Variants in GRIA3 observed in about 807,000 individuals in gnomAD.
The protein encoded by GRIA3 is glutamate ionotropic receptor AMPA type subunit 3.
A neutral mutation model predicts 63.0 loss-of-function variants in GRIA3; 3 were observed. The observed-to-expected ratio is 0.05, with a 90% CI of 0.02 to 0.12. The LOEUF is 0.12. GRIA3 is among the 10% of genes least tolerant of loss of function. GRIA3 has a pLI of 1.00. For missense variants in GRIA3, 347 were observed against 700.9 expected, an observed-to-expected ratio of 0.50 and a Z score of 5.70; for synonymous variants, 274 against 257.9, an observed-to-expected ratio of 1.06 and a Z score of -0.60.
intron 4 of GRIA3, among the ~76,000 whole-genome samples, chrX:123,337,320 AAAG>A (rs2044980642): frequency 8.9e-6 from 1 of 112,089 alleles, no homozygotes; most frequent in Admixed American, 9.4e-5. Context: ...ATTGTTCATA[AAAG>A]AAGAATAGTA....
intron 2 of GRIA3, among the ~76,000 whole-genome samples, chrX:123,193,258 C>G (rs1422827054): frequency 9.1e-6 from 1 of 110,175 alleles, no homozygotes; most frequent in African/African-American, 3.3e-5. Flanking sequence ...CCGGGTGACA[C>G]TGTCTTGGCT....
At chrX:123,430,220 A>T (rs1370182282) in intron 12 of GRIA3, among the ~76,000 whole-genome samples, 1 of 112,202 alleles carries the variant, frequency 8.9e-6, no homozygotes, top group Admixed American at 9.5e-5. Context: ...CTAGCCAATG[A>T]GTAATTCATA....
intron 2 of GRIA3, chrX:123,202,845 A>G: frequency 3.0e-6 from 3 of 1,014,229 alleles, no homozygotes; most frequent in South Asian, 2.2e-5. Flanking sequence ...TTGTTCACCA[A>G]TTCCTGTTAT....
intron 4 of GRIA3, among the ~76,000 whole-genome samples, chrX:123,347,582 C>T (rs1420459560): frequency 9.0e-6 from 1 of 111,525 alleles, no homozygotes; most frequent in Non-Finnish European, 1.9e-5. Flanking sequence ...GGAGAACATC[C>T]CACCCTCTAC....
At chrX:123,254,837 G>A (rs2044410411) in intron 3 of GRIA3, among the ~76,000 whole-genome samples, 1 of 111,773 alleles carries the variant, frequency 8.9e-6, no homozygotes, top group Non-Finnish European at 1.9e-5. Context: ...CTTGGACTTG[G>A]CCTCCTCACC....
At chrX:123,306,279 G>A (rs1246262763) in intron 3 of GRIA3, among the ~76,000 whole-genome samples, 1 of 111,743 alleles carries the variant, frequency 8.9e-6, no homozygotes, top group East Asian at 2.8e-4. Context: ...AAGTTGACCA[G>A]ATATTACACG....
At chrX:123,271,942 G>C (rs1225555006) in intron 3 of GRIA3, among the ~76,000 whole-genome samples, 1 of 111,550 alleles carries the variant, frequency 9.0e-6, no homozygotes, top group Non-Finnish European at 1.9e-5. Context: ...AGATGCTTTA[G>C]GGAAAAAGGG....
At chrX:123,327,770 A>G (rs985757509) in intron 4 of GRIA3, among the ~76,000 whole-genome samples, 5 of 110,200 alleles carry the variant, frequency 4.5e-5, no homozygotes, top group Non-Finnish European at 9.5e-5. Flanking sequence ...GCCTGGTTAA[A>G]TCAAGTTTCT....
In GRIA3 at chrX:123,450,194, T is replaced by A. The variant is rs1018962989; in HGVS notation, c.2077-14671T>A. ...TGACCAAGTCAAACAGAAGGCATGATCTCTAATGGTAGCATTTAGGGCCTG... is the reference window on the plus strand; with the variant it reads ...TGACCAAGTCAAACAGAAGGCATGAACTCTAATGGTAGCATTTAGGGCCTG... On this transcript the variant is annotated intron_variant, in intron 12 of 15. Transcript: ENST00000620443. 4.5e-5 allele frequency among the ~76,000 whole-genome samples: 5 copies of A among 112,293 alleles called. No homozygotes were observed. In the East Asian group the frequency reaches 1.4e-3, roughly 31 times the overall value.
At chrX:123,216,921 GGTCTA>G (rs1325148538) in intron 2 of GRIA3, among the ~76,000 whole-genome samples, 2 of 111,810 alleles carry the variant, frequency 1.8e-5, no homozygotes, top group African/African-American at 6.5e-5. Context: ...TTAAAGGTCT[GGTCTA>G]GTCTCAGCTG....
chrX:123,223,509 G>GA (rs1341788047), intron 2 of GRIA3, among the ~76,000 whole-genome samples: 1 of 112,635 alleles, frequency 8.9e-6, no homozygotes, highest in Non-Finnish European at 1.9e-5. Flanking sequence ...TTTTCAAAAA[G>GA]ACATGAGCCT....
At chrX:123,256,136 T>C (rs1244946289) in intron 3 of GRIA3, among the ~76,000 whole-genome samples, 1 of 111,151 alleles carries the variant, frequency 9.0e-6, no homozygotes, top group Non-Finnish European at 1.9e-5. Flanking sequence ...GGTAATCATG[T>C]CCATTCTTCC....
chrX:123,436,309 G>GTTT (rs752538238), intron 12 of GRIA3, among the ~76,000 whole-genome samples: 5,849 of 111,188 alleles, frequency 0.053, 388 homozygotes, highest in African/African-American at 0.18. Context: ...TTTGTTTTTT[G>GTTT]TTTTTGTTTG....
In GRIA3 at chrX:123,480,923, G is replaced by C. The variant is rs1022828513; in HGVS notation, c.2439+746G>C. 6.3e-5 allele frequency among the ~76,000 whole-genome samples: 7 copies of C among 111,358 alleles called. No homozygotes were observed. In the East Asian group the frequency reaches 2.0e-3, roughly 31 times the overall value. ...TGCCCCCCTTCGCTCCCCTAAGAAA[G>C]TTCTTTTTTAGTTTCAATTTTTGCC... On this transcript the variant is annotated intron_variant, in intron 14 of 15. Transcript: ENST00000620443.
At position 123,347,123 on chromosome X, in the gene GRIA3, G is replaced by A. The variant is rs531914812; in HGVS notation, c.697-7787G>A. On this transcript the variant is annotated intron_variant, in intron 4 of 15. Coordinates refer to ENST00000620443, the MANE Select transcript of GRIA3 (RefSeq NM_007325.5). ...AAGAGCCCCCTGTATTTCGCTGAAAGTCTATAATTCTGCCTAGGGTGCTTG... is the reference window on the plus strand; with the variant it reads ...AAGAGCCCCCTGTATTTCGCTGAAAATCTATAATTCTGCCTAGGGTGCTTG... Among the ~76,000 whole-genome samples, 28 of 112,300 alleles carry A rather than the reference G, an allele frequency of 2.5e-4. No individual in the cohort carries two copies. The South Asian group carries it at 0.01, about 42-fold the overall frequency.
intron 3 of GRIA3, among the ~76,000 whole-genome samples, chrX:123,281,753 C>G (rs2044587229): frequency 1.8e-5 from 2 of 111,673 alleles, no homozygotes; most frequent in African/African-American, 6.5e-5. Context: ...AGATGACTAT[C>G]AAGATCAACT....
chrX:123,208,712 T>A (rs1158994363), intron 2 of GRIA3, among the ~76,000 whole-genome samples: 1 of 112,157 alleles, frequency 8.9e-6, no homozygotes, highest in African/African-American at 3.2e-5. Flanking sequence ...CCCTCAGAGA[T>A]GGACTCCCTT....
At chrX:123,295,565 G>A (rs914128735) in intron 3 of GRIA3, among the ~76,000 whole-genome samples, 4 of 110,765 alleles carry the variant, frequency 3.6e-5, no homozygotes, top group African/African-American at 6.6e-5. Context: ...TAGCACATTC[G>A]GAAGTGTTCT....
intron 5 of GRIA3, among the ~76,000 whole-genome samples, chrX:123,382,045 C>A (rs191511114): frequency 8.9e-6 from 1 of 112,234 alleles, no homozygotes; most frequent in Admixed American, 9.5e-5. Flanking sequence ...GAGTGACAAA[C>A]AAGTCATAGA....
Sources: gnomAD v4.1 joint callset for allele counts (sites outside exome capture counted in the v4.1 genomes callset) on GRCh38, gnomAD v4.1.1 for gene constraint, MANE v1.5 for transcripts, NCBI Gene and HGNC (gene_info 2026-07-23, HGNC 2026-07-21) for gene names.